CAPS2: variants seen among roughly 807,000 people sequenced by gnomAD.
The protein encoded by CAPS2 is calcyphosin-2.
Under a neutral mutation model 86.5 loss-of-function variants are expected in CAPS2, and 98 were observed. The observed-to-expected ratio is 1.13, with a 90% confidence interval of 0.96 to 1.34. The LOEUF (loss-of-function observed/expected upper bound fraction) is 1.34. CAPS2 is among the 40% of genes most tolerant of loss of function. The pLI is 0.00. For synonymous variants in CAPS2, 210 were observed against 225.1 expected, an observed-to-expected ratio of 0.93 and a Z score of 0.60; for missense variants, 729 against 686.8, an observed-to-expected ratio of 1.06 and a Z score of -0.69.
chr12:75,329,967 T>C (rs998206396), upstream of CAPS2: 4 of 1,036,502 alleles, frequency 3.9e-6, no homozygotes, highest in African/African-American at 1.6e-5. Context: ...GTTAGAAGAG[T>C]TGGAAAAGGT....
At chr12:75,280,371 CTATT>C (rs1288917558) in intron 16 of CAPS2, among the ~76,000 whole-genome samples, 1 of 151,620 alleles carries the variant, frequency 6.6e-6, no homozygotes, top group Non-Finnish European at 1.5e-5. Context: ...AAGTTTTCTT[CTATT>C]TAGGAATATT....
intron 7 of CAPS2, among the ~76,000 whole-genome samples, chr12:75,306,718 T>G (rs1245898299): frequency 2.0e-5 from 3 of 152,082 alleles, no homozygotes; most frequent in Non-Finnish European, 4.4e-5. Flanking sequence ...CTGGAAAGTT[T>G]GGAAGAACTC....
At chr12:75,334,487 C>T (rs1039320380), upstream of CAPS2, 7 of 1,308,580 alleles carry the variant, frequency 5.3e-6, no homozygotes, top group Non-Finnish European at 6.8e-6. Flanking sequence ...GTTGAAATTC[C>T]CTCCACCAGA....
chr12:75,290,443 A>G (rs1245750482), intron 13 of CAPS2, among the ~76,000 whole-genome samples: 3 of 152,200 alleles, frequency 2.0e-5, no homozygotes, highest in Non-Finnish European at 4.4e-5. Context: ...CATGAGAGAA[A>G]AAAACAAATG....
intron 1 of CAPS2, chr12:75,369,908 T>C: frequency 4.7e-6 from 6 of 1,280,386 alleles, no homozygotes; most frequent in South Asian, 1.7e-5. Context: ...CAAAGAAATA[T>C]GTTTTCTTGT....
chr12:75,321,540 T>C, exon 5 of CAPS2: 2 of 1,549,496 alleles, frequency 1.3e-6, no homozygotes, highest in Non-Finnish European at 1.7e-6. Flanking sequence ...CATTTGTCTG[T>C]TGGTGCTGGC....
intron 15 of CAPS2, among the ~76,000 whole-genome samples, chr12:75,283,683 G>A (rs772674099): frequency 6.6e-6 from 1 of 152,044 alleles, no homozygotes; most frequent in Non-Finnish European, 1.5e-5. Context: ...GCATCGTGGT[G>A]CGTGCCTATA....
intron 7 of CAPS2, chr12:75,305,616 G>A (rs1310566470): frequency 1.5e-5 from 9 of 616,524 alleles, no homozygotes; most frequent in East Asian, 7.4e-5. Flanking sequence ...CCGAGCGACC[G>A]GAAGGCTCAG....
At chr12:75,311,727 A>T in intron 7 of CAPS2, among the ~76,000 whole-genome samples, 1 of 139,238 alleles carries the variant, frequency 7.2e-6, no homozygotes, top group Non-Finnish European at 1.6e-5. Context: ...AAAAAAACAA[A>T]AAAAAAAAAA....
chr12:75,298,694 A>C, exon 11 of CAPS2: 1 of 1,613,498 alleles, frequency 6.2e-7, no homozygotes, highest in South Asian at 1.1e-5. Flanking sequence ...TACAACATAA[A>C]AATCACCAAG....
chr12:75,312,697 C>G (rs2138826770), intron 7 of CAPS2, 151 bp downstream of exon 7: 1 of 504,584 alleles, frequency 2.0e-6, no homozygotes, highest in Middle Eastern at 5.0e-4. Flanking sequence ...AAAAAAATGA[C>G]TAAAACACTA....
At chr12:75,303,691 A>G (rs1195999269) in intron 8 of CAPS2, among the ~76,000 whole-genome samples, 2 of 152,196 alleles carry the variant, frequency 1.3e-5, no homozygotes, top group Non-Finnish European at 2.9e-5. Context: ...CTACATCCTA[A>G]TCCTTGGAAC....
intron 16 of CAPS2, 135 bp from the exon 17 acceptor site, chr12:75,279,200 T>C: frequency 1.3e-6 from 1 of 798,136 alleles, no homozygotes; most frequent in Non-Finnish European, 1.9e-6. Context: ...ACCAGCCAAT[T>C]TATTTACACA....
At chr12:75,306,694 G>C (rs1475656850) in intron 7 of CAPS2, among the ~76,000 whole-genome samples, 1 of 151,944 alleles carries the variant, frequency 6.6e-6, no homozygotes, top group Admixed American at 6.6e-5. Flanking sequence ...GATGTGTATT[G>C]GGGTAGGCTG....
At chr12:75,325,417 A>T (rs547237943) in intron 1 of CAPS2, 129 bp from the exon 3 acceptor site, 1 of 786,726 alleles carries the variant, frequency 1.3e-6, no homozygotes, top group African/African-American at 1.8e-5. Flanking sequence ...TATATAATAA[A>T]TACTTATTAA....
At chr12:75,291,567 G>GTATATATA (rs66622366) in intron 13 of CAPS2, among the ~76,000 whole-genome samples, 177 bp downstream of exon 13, 76 of 27,678 alleles carry the variant, frequency 2.7e-3, no homozygotes, top group East Asian at 9.0e-3. Flanking sequence ...ATTTTTAAAA[G>GTATATATA]TATATATATA....
intron 2 of CAPS2, among the ~76,000 whole-genome samples, chr12:75,323,615 T>G (rs1180142848): frequency 6.6e-6 from 1 of 152,098 alleles, no homozygotes; most frequent in Non-Finnish European, 1.5e-5. Context: ...TGGTGACACA[T>G]GCCTGTAATC....
chr12:75,284,250 TA>T (rs1193693973), intron 15 of CAPS2, among the ~76,000 whole-genome samples: 1 of 152,198 alleles, frequency 6.6e-6, no homozygotes, highest in Non-Finnish European at 1.5e-5. Flanking sequence ...CCAGTAAAAG[TA>T]GAGACTAATT....
At chr12:75,295,157 C>T (rs950243537) in intron 11 of CAPS2, 4 of 152,150 alleles carry the variant, frequency 2.6e-5, no homozygotes, top group Non-Finnish European at 4.4e-5. Context: ...ACAACAACAA[C>T]AACAAACAGA....
Sources: allele counts gnomAD v4.1 joint callset (sites outside exome capture counted in the v4.1 genomes callset), GRCh38; gene constraint gnomAD v4.1.1; transcripts MANE v1.5; gene names NCBI Gene and HGNC (gene_info 2026-07-23, HGNC 2026-07-21).